THADA: variants seen among roughly 807,000 people sequenced by gnomAD.
THADA encodes the protein tRNA (32-2'-O)-methyltransferase regulator THADA.
Under a neutral mutation model 219.8 loss-of-function variants are expected in THADA, and 213 were observed. The observed-to-expected ratio is 0.97, with a 90% CI of 0.87 to 1.09. The LOEUF is 1.09. Ranked by LOEUF, THADA falls within the 50% of genes least tolerant of loss-of-function variation. The probability of loss-of-function intolerance (pLI) is 0.00; values close to 1 mark genes in which losing one functional copy is unlikely to be tolerated. For missense variants in THADA, 2,956 were observed against 2,311.3 expected, an observed-to-expected ratio of 1.28 and a Z score of -5.72; for synonymous variants, 1,018 against 828.9, an observed-to-expected ratio of 1.23 and a Z score of -3.92.
intron 4 of THADA, among the ~76,000 whole-genome samples, chr2:43,588,071 A>T (rs1701189558): frequency 6.6e-6 from 1 of 152,214 alleles, no homozygotes; most frequent in African/African-American, 2.4e-5. Flanking sequence ...AGTAAATAAA[A>T]GTGTGGTGTT....
chr2:43,547,326 G>C (rs1696162252), intron 20 of THADA, among the ~76,000 whole-genome samples: 1 of 152,166 alleles, frequency 6.6e-6, no homozygotes, highest in African/African-American at 2.4e-5. Context: ...CAACTTTGGT[G>C]AATCTGACAA....
intron 29 of THADA, among the ~76,000 whole-genome samples, chr2:43,378,053 G>C (rs1294251226): frequency 6.6e-6 from 1 of 152,294 alleles, no homozygotes; most frequent in African/African-American, 2.4e-5. Context: ...TATTGCAGAG[G>C]TGATGTTGGG....
intron 9 of THADA, among the ~76,000 whole-genome samples, chr2:43,578,038 G>C (rs1700038459): frequency 6.6e-6 from 1 of 151,712 alleles, no homozygotes; most frequent in Admixed American, 6.6e-5. Context: ...TTTTGTTATT[G>C]TTGCTTTATC....
chr2:43,398,082 T>C lies in THADA; in HGVS notation c.4116A>G (p.Pro1372=). The C allele has an allele frequency of 1.2e-6, 2 of 1,613,994 alleles. No homozygotes were observed. The highest frequency in any genetic ancestry group is 1.7e-6 in the Non-Finnish European group (2 of 1,179,860). ...TAGGAATGTGATCTATCATAACAAA[T>C]GGGACCAAGGCACGAGCTGCCATTT... The part of the protein sequence containing the change: ...SREMAARALV[P]FVMIDHIPNT... Residue 1372 remains proline (P), a synonymous_variant, in exon 29 of 38, where the codon CCA becomes CCG. Coordinates refer to ENST00000405975, the MANE Select transcript of THADA (RefSeq NM_022065.5).
intron 13 of THADA, among the ~76,000 whole-genome samples, chr2:43,570,799 A>C (rs1699206932): frequency 6.6e-6 from 1 of 151,930 alleles, no homozygotes. Context: ...TCACCCCATA[A>C]ATGTGTGTGC....
intron 31 of THADA, among the ~76,000 whole-genome samples, chr2:43,298,036 G>A (rs1317601200): frequency 2.6e-5 from 3 of 114,056 alleles, no homozygotes; most frequent in Non-Finnish European, 5.1e-5. Context: ...CAGCCGCCCC[G>A]GCCGCCCCTA....
intron 31 of THADA, among the ~76,000 whole-genome samples, chr2:43,306,308 G>A (rs1052704184): frequency 6.6e-6 from 1 of 152,078 alleles, no homozygotes; most frequent in Non-Finnish European, 1.5e-5. Context: ...TACTGCGCTC[G>A]GCCTACTTCT....
At chr2:43,304,252 C>T (rs1676589194) in intron 31 of THADA, among the ~76,000 whole-genome samples, 1 of 152,214 alleles carries the variant, frequency 6.6e-6, no homozygotes, top group Middle Eastern at 3.4e-3. Context: ...ACAACATTTT[C>T]TCGGTCCCAG....
At chr2:43,390,986 C>T (rs929783072) in intron 29 of THADA, among the ~76,000 whole-genome samples, 7 of 152,202 alleles carry the variant, frequency 4.6e-5, no homozygotes, top group Admixed American at 3.9e-4. Context: ...AAGCTTCAAA[C>T]GATCCTGGGC....
chr2:43,344,363 C>T (rs984481793), intron 29 of THADA, 126 bp from the exon 30 acceptor site: 2 of 637,904 alleles, frequency 3.1e-6, no homozygotes, highest in Non-Finnish European at 5.3e-6. Context: ...GAATGTAGCT[C>T]TGGTCTCTTT....
At chr2:43,524,207 C>G (rs1417809298) in intron 22 of THADA, among the ~76,000 whole-genome samples, 1 of 152,170 alleles carries the variant, frequency 6.6e-6, no homozygotes, top group Admixed American at 6.5e-5. Context: ...AAAATTAACT[C>G]AACACACTAT....
intron 18 of THADA, 28 bp downstream of exon 18, chr2:43,552,176 G>T: frequency 6.3e-7 from 1 of 1,593,690 alleles, no homozygotes; most frequent in Non-Finnish European, 8.5e-7. Context: ...GGATTTCTGA[G>T]ACAGGAGGCA....
intron 30 of THADA, among the ~76,000 whole-genome samples, chr2:43,323,896 TC>T (rs971548293): frequency 6.6e-6 from 1 of 152,170 alleles, no homozygotes; most frequent in Admixed American, 6.5e-5. Context: ...ATTTGGCTTC[TC>T]CAGTTCCAAG....
At chr2:43,447,262 T>G (rs1681698072) in intron 26 of THADA, among the ~76,000 whole-genome samples, 1 of 152,106 alleles carries the variant, frequency 6.6e-6, no homozygotes, top group Non-Finnish European at 1.5e-5. Context: ...AAGATGAGAT[T>G]TGGATGGGGT....
At chr2:43,457,028 T>G (rs1043129248) in intron 26 of THADA, among the ~76,000 whole-genome samples, 1 of 152,034 alleles carries the variant, frequency 6.6e-6, no homozygotes, top group African/African-American at 2.4e-5. Flanking sequence ...ACACTAAATT[T>G]TATATACGTG....
intron 32 of THADA, among the ~76,000 whole-genome samples, chr2:43,292,481 C>T (rs1043642609): frequency 1.3e-5 from 2 of 152,150 alleles, no homozygotes; most frequent in African/African-American, 4.8e-5. Context: ...ATTATGCTTC[C>T]CAGGTGGCCA....
At chr2:43,303,913 T>A (rs10189666) in intron 31 of THADA, among the ~76,000 whole-genome samples, 22,349 of 152,114 alleles carry the variant, frequency 0.15, 1,919 homozygotes, top group African/African-American at 0.23. Flanking sequence ...AAAAGTTACA[T>A]TTCCTAACAA....
chr2:43,296,542 C>T (rs529361560), intron 31 of THADA, among the ~76,000 whole-genome samples: 11 of 152,290 alleles, frequency 7.2e-5, no homozygotes, highest in African/African-American at 2.4e-4. Context: ...TCCCAAAGTG[C>T]TGGGATTACA....
chr2:43,367,063 A>C (rs2104608848), intron 29 of THADA, among the ~76,000 whole-genome samples: 1 of 152,368 alleles, frequency 6.6e-6, no homozygotes, highest in East Asian at 1.9e-4. Context: ...GACATAATAC[A>C]AAGTGAAGCT....
Sources: allele counts gnomAD v4.1 joint callset (sites outside exome capture counted in the v4.1 genomes callset), GRCh38; gene constraint gnomAD v4.1.1; transcripts MANE v1.5; gene names NCBI Gene and HGNC (gene_info 2026-07-23, HGNC 2026-07-21).